Variants in C10orf67 observed in about 807,000 individuals in gnomAD.
The protein encoded by C10orf67 is chromosome 10 open reading frame 67.
Under a neutral mutation model 35.6 loss-of-function variants are expected in C10orf67, and 60 were observed. That is an observed-to-expected ratio of 1.68 (90% confidence interval 1.37 to 2.09). The LOEUF (loss-of-function observed/expected upper bound fraction) is 2.09. Among genes scored for constraint, C10orf67 ranks in the 30% most tolerant of loss-of-function variants. C10orf67 has a pLI of 0.00. For synonymous variants in C10orf67, 167 were observed against 115.8 expected, an observed-to-expected ratio of 1.44 and a Z score of -2.84; for missense variants, 474 against 330.2, an observed-to-expected ratio of 1.44 and a Z score of -3.38.
At position 23,286,158 on chromosome 10, in the gene C10orf67, G is replaced by A. The variant is rs1306411642; in HGVS notation, c.909+3742C>T. On this transcript the variant is annotated intron_variant, in intron 7 of 15. Coordinates refer to ENST00000636213, the MANE Select transcript of C10orf67 (RefSeq NM_001371909.1). ...TGTAATCCTAACACTTTGGGAGGAC[G>A]AGGTGGGAGCATCACTTGAGGCCAG... is the stretch of plus-strand genomic sequence containing the variant. 5.3e-5 allele frequency among the ~76,000 whole-genome samples: 8 copies of A among 151,588 alleles called. No individual in the cohort carries two copies. The East Asian group carries it at 1.6e-3, about 30-fold the overall frequency.
chr10:23,231,915 A>G (rs1161397778), intron 13 of C10orf67, among the ~76,000 whole-genome samples: 2 of 152,192 alleles, frequency 1.3e-5, no homozygotes, highest in African/African-American at 2.4e-5. Context: ...TGCATTTTTC[A>G]TTTACTTATT....
Position 23,262,136 on chromosome 10 carries a change from C to A in C10orf67, c.1200+4126G>T, listed in dbSNP as rs184583102. Among the ~76,000 whole-genome samples the A allele has an allele frequency of 1.2e-3, 180 of 152,288 alleles. 1 individual carries two copies. The highest frequency in any genetic ancestry group is 4.1e-3 in the African/African-American group (172 of 41,572). On this transcript the variant is annotated intron_variant, in intron 10 of 15. Coordinates refer to ENST00000636213, the MANE Select transcript of C10orf67 (RefSeq NM_001371909.1). The stretch of plus-strand genomic sequence containing the variant: ...GACTCTGGTGAGCAGCGATGTAATA[C>A]ACCAGGCAGCAGCACTGGCAGATGT...
At position 23,344,765 on chromosome 10, in the gene C10orf67, C is replaced by T; in HGVS notation, c.10G>A (p.Val4Ile). 2 of 1,561,650 alleles carry T rather than the reference C, an allele frequency of 1.3e-6. No homozygotes were observed. The highest frequency in any genetic ancestry group is 1.7e-6 in the Non-Finnish European group (2 of 1,153,166). Residue 4 changes from valine to isoleucine, a missense_variant, in exon 1 of 16, where the codon GTC becomes ATC. Physicochemically the swap from Val to Ile is conservative, Grantham distance 29. Transcript: ENST00000636213. MAL[V>I]RDRRAHYVMS... ...ACATAATGAGCCCTGCGATCCCGGA[C>T]CAAGGCCATCATAAGAGGAGAGCAG...
intron 7 of C10orf67, among the ~76,000 whole-genome samples, chr10:23,289,242 C>T (rs965129046): frequency 1.3e-5 from 2 of 152,168 alleles, no homozygotes; most frequent in East Asian, 3.8e-4. Context: ...TAGTTCACTG[C>T]AGCCCCGAAC....
chr10:23,333,105 A>T lies in C10orf67; in HGVS notation c.284T>A (p.Leu95Gln). Residue 95 changes from leucine (L) to glutamine (Q), a missense_variant, in exon 2 of 16, where the codon CTG (leucine) becomes CAG (glutamine). Physicochemically the swap from Leu to Gln is moderately radical, Grantham distance 113. Transcript: ENST00000636213. ...HATQTDSSEI[L>Q]SVKELSSSTQ... ...AGATGAACTCAATTCTTTTACTGAC[A>T]GTATTTCACTGGAATCAGTTTGAGT... 6.2e-7 allele frequency: 1 copy of T among 1,611,662 alleles called. No individual in the cohort carries two copies. Among genetic ancestry groups the T allele is most frequent in the Non-Finnish European group, 8.5e-7 (1 of 1,178,186 alleles).
At chr10:23,235,525 G>GT (rs1842025944) in intron 13 of C10orf67, among the ~76,000 whole-genome samples, 1 of 152,214 alleles carries the variant, frequency 6.6e-6, no homozygotes, top group Non-Finnish European at 1.5e-5. Flanking sequence ...ATGGGCAGTT[G>GT]TTTTTTAAAT....
Position 23,250,654 on chromosome 10 carries a change from G to C in C10orf67, c.1238C>G (p.Ala413Gly). Residue 413 changes from alanine (A) to glycine (G), a missense_variant, in exon 11 of 16, where the codon GCA (alanine) becomes GGA (glycine). Ala to Gly is a moderately conservative substitution (Grantham distance 60). Transcript: ENST00000636213. ...CTCATTCTCTAAATTTGCCTTTAAT[G>C]CTTCTATTTGAGACTCCAAACCATG... Reference protein sequence around the residue: ...DKHGLESQIEALKANLENEKK... With the variant: ...DKHGLESQIEGLKANLENEKK... 2.5e-6 allele frequency: 1 copy of C among 398,406 alleles called. No individual in the cohort carries two copies. The highest frequency in any genetic ancestry group is 4.4e-6 in the Non-Finnish European group (1 of 225,832). The allele number at this position is 398,406 out of a possible 1,614,324, so 24.7% of individuals were successfully genotyped here.
downstream of C10orf67, chr10:23,201,960 T>C (rs1046313709): frequency 4.9e-5 from 7 of 144,238 alleles, no homozygotes; most frequent in African/African-American, 1.7e-4. Context: ...CGATGATTGA[T>C]TTTTTTTATT....
chr10:23,222,511 G>C (rs571434498), intron 15 of C10orf67, among the ~76,000 whole-genome samples: 14 of 152,216 alleles, frequency 9.2e-5, no homozygotes, highest in African/African-American at 3.1e-4. Context: ...CAAAAGGAGG[G>C]AGAGAGGAAG....
intron 1 of C10orf67, among the ~76,000 whole-genome samples, chr10:23,338,914 T>C (rs537046499): frequency 4.6e-5 from 7 of 152,264 alleles, no homozygotes; most frequent in Admixed American, 3.9e-4. Context: ...GCCAGCAATA[T>C]TTGGGAGAAG....
chr10:23,292,044 G>A (rs963404233), intron 5 of C10orf67, among the ~76,000 whole-genome samples: 2 of 151,516 alleles, frequency 1.3e-5, no homozygotes, highest in African/African-American at 4.9e-5. Context: ...TATAGTTTTA[G>A]TAAAGCAAAC....
intron 13 of C10orf67, among the ~76,000 whole-genome samples, chr10:23,224,332 G>T (rs1378151848): frequency 6.6e-6 from 1 of 152,158 alleles, no homozygotes; most frequent in East Asian, 1.9e-4. Flanking sequence ...GTGTTAGAAG[G>T]AAAACGAACA....
intron 4 of C10orf67, among the ~76,000 whole-genome samples, chr10:23,313,029 CT>C (rs1270975364): frequency 2.0e-5 from 3 of 152,170 alleles, no homozygotes; most frequent in Non-Finnish European, 4.4e-5. Context: ...CTCAAAATCT[CT>C]TTTATCACCT....
chr10:23,336,314 T>C (rs1043679400), intron 1 of C10orf67, among the ~76,000 whole-genome samples: 2 of 152,194 alleles, frequency 1.3e-5, no homozygotes, highest in African/African-American at 2.4e-5. Context: ...TTTATAAATA[T>C]AGATAAATAG....
chr10:23,229,212 A>T (rs1489709182), intron 13 of C10orf67, among the ~76,000 whole-genome samples: 1 of 152,160 alleles, frequency 6.6e-6, no homozygotes, highest in East Asian at 1.9e-4. Context: ...AGACTGGATT[A>T]AGAAAATGTG....
At chr10:23,212,019 G>A in intron 15 of C10orf67, among the ~76,000 whole-genome samples, 1 of 152,198 alleles carries the variant, frequency 6.6e-6, no homozygotes, top group Non-Finnish European at 1.5e-5. Context: ...AGCTTATTTA[G>A]AAATAGGGTC....
chr10:23,343,600 C>A (rs959248115), intron 1 of C10orf67, among the ~76,000 whole-genome samples: 17 of 152,266 alleles, frequency 1.1e-4, no homozygotes, highest in Middle Eastern at 3.4e-3. Context: ...CATTCATGAA[C>A]GATTATTTCC....
intron 4 of C10orf67, among the ~76,000 whole-genome samples, chr10:23,310,871 CTT>C (rs1355291332): frequency 6.6e-6 from 1 of 152,214 alleles, no homozygotes; most frequent in East Asian, 1.9e-4. Flanking sequence ...CAAGATCTCT[CTT>C]ATATTTCCTG....
chr10:23,289,910 G>A lies in C10orf67; in HGVS notation c.899C>T (p.Thr300Ile). The A allele has an allele frequency of 1.4e-6, 1 of 716,924 alleles. No homozygotes were observed. The highest frequency in any genetic ancestry group is 1.5e-5 in the South Asian group (1 of 67,396). The allele number at this position is 716,924 out of a possible 1,614,324, so 44.4% of individuals were successfully genotyped here. Reference sequence around the variant, plus strand: ...AAAACGTTATAGTACCTTTTGAATAGTTTTGTGATCCTTTTCTGCCATCTC... The same window carrying A: ...AAAACGTTATAGTACCTTTTGAATAATTTTGTGATCCTTTTCTGCCATCTC... ...MKEMAEKDHK[T>I]IQKLMDSRDR... The change falls in exon 7 of 16, where the codon ACT becomes ATT. Residue 300 changes from threonine (T) to isoleucine (I), a missense_variant. Thr to Ile is a moderately conservative substitution (Grantham distance 89, BLOSUM62 -1). Coordinates refer to ENST00000636213, the MANE Select transcript of C10orf67 (RefSeq NM_001371909.1).
Sources: allele counts gnomAD v4.1 joint callset (sites outside exome capture counted in the v4.1 genomes callset), GRCh38; gene constraint gnomAD v4.1.1; transcripts MANE v1.5; gene names NCBI Gene and HGNC (gene_info 2026-07-23, HGNC 2026-07-21).